LPCAT3: variants seen among roughly 807,000 people sequenced by gnomAD.
The protein encoded by LPCAT3 is lysophosphatidylcholine acyltransferase 3.
In LPCAT3, 21 loss-of-function variants were observed where a neutral mutation model predicts 63.4. That is an observed-to-expected ratio of 0.33 (90% confidence interval 0.23 to 0.48). The LOEUF (loss-of-function observed/expected upper bound fraction) is 0.48, where lower values mean the gene tolerates loss of function less well. Among genes scored for constraint, LPCAT3 ranks in the 20% least tolerant of loss-of-function variants. LPCAT3 has a pLI of 0.99. For synonymous variants in LPCAT3, 242 were observed against 227.5 expected (o/e 1.06, Z -0.58); for missense variants, 451 against 590.6 (o/e 0.76, Z 2.45).
At chr12:6,985,176 G>GATCCGTGTTA (rs1398513386) in intron 1 of LPCAT3, among the ~76,000 whole-genome samples, 9 of 151,214 alleles carry the variant, frequency 6.0e-5, no homozygotes, top group Admixed American at 5.9e-4. Context: ...CGGATCATGA[G>GATCCGTGTTA]GACAGGAGAT....
At chr12:6,979,633 C>T (rs1300197258) in intron 6 of LPCAT3, 54 bp from the exon 7 acceptor site, 1 of 1,238,896 alleles carries the variant, frequency 8.1e-7, no homozygotes, top group African/African-American at 1.5e-5. Context: ...CTATTCCCTT[C>T]ACCCTCTGAC....
chr12:7,007,060 T>C lies in LPCAT3; in HGVS notation c.151+11214A>G, dbSNP rs1348491928. ...CTATTATAGCAAATTCTTTTTTTTT[T>C]GAGACGGAGTTTTTGCTCTTGTTGC... On this transcript the variant is annotated intron_variant, in intron 1 of 12. Transcript: ENST00000261407. Among the ~76,000 whole-genome samples, 3 of 152,198 alleles carry C rather than the reference T, an allele frequency of 2.0e-5. No individual in the cohort carries two copies. The East Asian group carries it at 5.8e-4, about 29-fold the overall frequency.
intron 3 of LPCAT3, 73 bp from the exon 4 acceptor site, chr12:6,981,977 T>C: frequency 1.2e-6 from 1 of 810,586 alleles, no homozygotes; most frequent in Non-Finnish European, 2.1e-6. Context: ...CAATGTTCTC[T>C]TTCCTTTTTC....
At position 6,977,265 on chromosome 12, in the gene LPCAT3, G is replaced by A; in HGVS notation, c.1348-3C>T. 1.9e-6 allele frequency: 3 copies of A among 1,611,186 alleles called. No homozygotes were observed. Among genetic ancestry groups the A allele is most frequent in the Non-Finnish European group, 1.7e-6 (2 of 1,177,300 alleles). ...AGGAAATAGATGGATTTATACACCT[G>A]TGGAGAGAGAGGCCACTAAGGTAGA... On this transcript the variant is annotated splice_polypyrimidine_tract_variant and splice_region_variant and intron_variant, in intron 11 of 12. Transcript: ENST00000261407. This position sits in a 1 kb window ranked among gnomAD's most constrained non-coding sequence, Gnocchi z 4.5.
At chr12:7,002,976 T>C (rs146584679) in intron 1 of LPCAT3, among the ~76,000 whole-genome samples, 274 of 152,104 alleles carry the variant, frequency 1.8e-3, no homozygotes, top group Middle Eastern at 6.8e-3. Flanking sequence ...ACCACTGCAC[T>C]CCAGCCTGGG....
intron 1 of LPCAT3, among the ~76,000 whole-genome samples, chr12:7,001,842 A>G (rs1014263567): frequency 4.6e-5 from 7 of 152,138 alleles, no homozygotes; most frequent in Non-Finnish European, 8.8e-5. Flanking sequence ...AGACTGCATG[A>G]CATTGGAAAA....
At chr12:7,000,356 G>A (rs1206310099) in intron 1 of LPCAT3, among the ~76,000 whole-genome samples, 2 of 151,494 alleles carry the variant, frequency 1.3e-5, no homozygotes, top group African/African-American at 4.8e-5. Context: ...GGGAGGCCGA[G>A]ACAGGCAGAT....
In LPCAT3 at chr12:7,018,130, G is replaced by A; in HGVS notation, c.151+144C>T. On this transcript the variant is annotated intron_variant, in intron 1 of 12. Transcript: ENST00000261407. This position sits in a 1 kb window ranked among gnomAD's most constrained non-coding sequence, Gnocchi z 4.9. The stretch of plus-strand genomic sequence containing the variant: ...ACAGGACTTCTGTCTTCCCTCAGTA[G>A]CTGTTGGTGTGCTTCAGGATTCACA... The A allele has an allele frequency of 1.2e-6, 1 of 847,962 alleles. No homozygotes were observed. The highest frequency in any genetic ancestry group is 1.8e-6 in the Non-Finnish European group (1 of 540,874). The allele number at this position is 847,962 out of a possible 1,614,324, so 52.5% of individuals were successfully genotyped here. A position where few individuals can be genotyped will look rare whatever the true frequency, so the allele number is the denominator to read the frequency against.
At chr12:7,012,821 C>A (rs1232320555) in intron 1 of LPCAT3, among the ~76,000 whole-genome samples, 5 of 152,222 alleles carry the variant, frequency 3.3e-5, no homozygotes, top group Admixed American at 3.3e-4. Flanking sequence ...TCCACTTGAT[C>A]TCTGGCATTG....
chr12:6,988,866 C>T (rs1224306562), intron 1 of LPCAT3, among the ~76,000 whole-genome samples: 1 of 152,148 alleles, frequency 6.6e-6, no homozygotes, highest in African/African-American at 2.4e-5. Context: ...GTGGCTCACG[C>T]CTGTAATCCC....
intron 1 of LPCAT3, among the ~76,000 whole-genome samples, chr12:6,996,614 T>C (rs1946637784): frequency 6.6e-6 from 1 of 152,258 alleles, no homozygotes; most frequent in South Asian, 2.1e-4. Context: ...CTCTGTACTC[T>C]AGGCAGTCAA....
At chr12:6,982,808 C>G (rs1186300425) in intron 2 of LPCAT3, 26 bp from the exon 3 acceptor site, 2 of 1,533,718 alleles carry the variant, frequency 1.3e-6, no homozygotes, top group South Asian at 1.1e-5. Flanking sequence ...GAGAATTTAG[C>G]CTGGTTTTTA....
At chr12:6,988,050 T>TAA (rs111464101) in intron 1 of LPCAT3, 34 of 323,564 alleles carry the variant, frequency 1.1e-4, no homozygotes, top group South Asian at 3.2e-4. Flanking sequence ...TTTAAAGGTG[T>TAA]AAAAAAAAAA....
chr12:6,995,579 C>T (rs1361893794), intron 1 of LPCAT3, among the ~76,000 whole-genome samples: 1 of 152,098 alleles, frequency 6.6e-6, no homozygotes, highest in Non-Finnish European at 1.5e-5. Context: ...TCACTGTCAC[C>T]ATGACCATCA....
intron 6 of LPCAT3, 49 bp from the exon 7 acceptor site, chr12:6,979,628 C>A (rs1555153815): frequency 7.8e-7 from 1 of 1,288,204 alleles, no homozygotes; most frequent in Non-Finnish European, 1.1e-6. Flanking sequence ...AGAGACTATT[C>A]CCTTCACCCT....
chr12:6,994,150 T>C (rs1303475456), intron 1 of LPCAT3, among the ~76,000 whole-genome samples: 1 of 152,146 alleles, frequency 6.6e-6, no homozygotes, highest in African/African-American at 2.4e-5. Flanking sequence ...TGTGAACATA[T>C]GTTTTTATGT....
At chr12:6,982,110 G>C (rs1555154182) in intron 3 of LPCAT3, among the ~76,000 whole-genome samples, 5 of 152,076 alleles carry the variant, frequency 3.3e-5, no homozygotes, top group Non-Finnish European at 7.4e-5. Flanking sequence ...ACTGAGATGA[G>C]AATTTAGATG....
intron 9 of LPCAT3, 160 bp downstream of exon 9, chr12:6,978,181 G>A: frequency 1.2e-6 from 1 of 803,098 alleles, no homozygotes; most frequent in Non-Finnish European, 2.0e-6. Flanking sequence ...GGTTTTTTTG[G>A]GAGGGGGGTA....
At chr12:6,979,087 C>T (rs1565597060) in intron 7 of LPCAT3, 2 of 296,690 alleles carry the variant, frequency 6.7e-6, no homozygotes, top group Non-Finnish European at 6.3e-6. Flanking sequence ...CAAAAGCCAG[C>T]ACTTCCCCCC....
Sources: allele counts gnomAD v4.1 joint callset (sites outside exome capture counted in the v4.1 genomes callset), GRCh38; gene constraint gnomAD v4.1.1; non-coding constraint Gnocchi (gnomAD v3.1); transcripts MANE v1.5; gene names NCBI Gene and HGNC (gene_info 2026-07-23, HGNC 2026-07-21).